STOX1: variants seen among roughly 807,000 people sequenced by gnomAD.
STOX1 encodes storkhead-box protein 1.
STOX1 carries 57 observed loss-of-function variants against 74.8 expected under a neutral mutation model. The observed-to-expected ratio is 0.76, with a 90% CI of 0.62 to 0.95. STOX1 has a LOEUF of 0.95. Among genes scored for constraint, STOX1 ranks in the 40% least tolerant of loss-of-function variants. The pLI, the probability that STOX1 is intolerant of heterozygous loss-of-function variation, is 0.00. For synonymous variants in STOX1, 375 were observed against 401.3 expected (o/e 0.93, Z 0.78); for missense variants, 1,010 against 1,117.0 (o/e 0.90, Z 1.37).
intron 1 of STOX1, among the ~76,000 whole-genome samples, chr10:68,833,380 C>A (rs1839460871): frequency 6.6e-6 from 1 of 152,108 alleles, no homozygotes; most frequent in Non-Finnish European, 1.5e-5. Flanking sequence ...AAGCCGTAGA[C>A]AAAACTCCTC....
intron 1 of STOX1, among the ~76,000 whole-genome samples, chr10:68,839,476 G>T (rs945730137): frequency 2.1e-4 from 31 of 146,878 alleles, no homozygotes; most frequent in African/African-American, 7.5e-4. Flanking sequence ...TCCCACTTTG[G>T]CCTCTGCCAA....
In STOX1 at chr10:68,885,794, T is replaced by C. The variant is rs760292591; in HGVS notation, c.1998T>C (p.Phe666=). Reference sequence around the variant, plus strand: ...TAGTGGATAACACAATACACCAGTTTCAAAATCTTGGCCTTTTGGATTACC... The same window carrying C: ...TAGTGGATAACACAATACACCAGTTCCAAAATCTTGGCCTTTTGGATTACC... ...CRLVDNTIHQ[F]QNLGLLDYPV... is the part of the protein sequence containing the mutation. The change falls in exon 3 of 4, where the codon TTT becomes TTC. Residue 666 remains phenylalanine, a synonymous_variant. Coordinates refer to ENST00000298596, the MANE Select transcript of STOX1 (RefSeq NM_152709.5). 1.4e-5 allele frequency: 22 copies of C among 1,613,972 alleles called. No homozygotes were observed. In the East Asian group the frequency reaches 4.9e-4, roughly 36 times the overall value.
At chr10:68,855,124 AT>A (rs56333446) in intron 1 of STOX1, among the ~76,000 whole-genome samples, 126,227 of 136,572 alleles carry the variant, frequency 0.92, 58,271 homozygotes, top group East Asian at 0.95. Context: ...TTAAAAAAAA[AT>A]TTTTTTTTTT....
Position 68,827,644 on chromosome 10 carries a change from G to A in STOX1, c.21G>A (p.Leu7=). The A allele has an allele frequency of 8.7e-7, 1 of 1,145,326 alleles. No individual in the cohort carries two copies. 70.9% of individuals were successfully genotyped at this position (1,145,326 alleles called of 1,614,324 possible). A position where few individuals can be genotyped will look rare whatever the true frequency, so the allele number is the denominator to read the frequency against. MARPVQ[L]APGSLALVLC... The stretch of plus-strand genomic sequence containing the variant: ...AAAGCATGGCCCGGCCCGTGCAGCT[G>A]GCGCCGGGCTCGCTGGCGCTAGTGC... The change falls in exon 1 of 4, where the codon CTG becomes CTA. Residue 7 remains leucine (L), a synonymous_variant. Coordinates refer to ENST00000298596, the MANE Select transcript of STOX1 (RefSeq NM_152709.5).
At position 68,886,185 on chromosome 10, in the gene STOX1, A is replaced by C; in HGVS notation, c.2389A>C (p.Asn797His). The change falls in exon 3 of 4, where the codon AAT becomes CAT. Residue 797 changes from asparagine to histidine, a missense_variant. Physicochemically the swap from Asn to His is moderately conservative, Grantham distance 68 (BLOSUM62 1). Transcript: ENST00000298596. Reference protein sequence around the residue: ...ERVESQVLKRNECYKPTGLHA... With the variant: ...ERVESQVLKRHECYKPTGLHA... ...GGTTGAGTCTCAGGTGCTTAAAAGA[A>C]ATGAATGCTACAAACCCACTGGGCT... is the stretch of plus-strand genomic sequence containing the variant. The C allele has an allele frequency of 6.2e-7, 1 of 1,614,202 alleles. No individual in the cohort carries two copies. The highest frequency in any genetic ancestry group is 8.5e-7 in the Non-Finnish European group (1 of 1,180,026).
rs16925882 is a variant in STOX1, at chr10:68,885,502, C to G, written c.1706C>G (p.Pro569Arg). 2,169 of 1,614,154 alleles carry G rather than the reference C, an allele frequency of 1.3e-3. 26 individuals are homozygous for G. In the African/African-American group the frequency reaches 0.025, roughly 19 times the overall value. The stretch of plus-strand genomic sequence containing the variant: ...GCAGAATCCATTTACATAAATGACC[C>G]TACTGTCAAACCCATCAATGATGAC... ...MEAESIYIND[P>R]TVKPINDDFR... Residue 569 changes from proline (P) to arginine (R), a missense_variant, in exon 3 of 4, where the codon CCT becomes CGT. By Grantham distance (103) the Pro-to-Arg change is moderately radical. Coordinates refer to ENST00000298596, the MANE Select transcript of STOX1 (RefSeq NM_152709.5).
At chr10:68,864,915 A>G (rs1488236796) in intron 1 of STOX1, among the ~76,000 whole-genome samples, 7 of 152,226 alleles carry the variant, frequency 4.6e-5, no homozygotes, top group Non-Finnish European at 7.3e-5. Flanking sequence ...AAGTCATTCA[A>G]TGTTTTTAAT....
chr10:68,832,910 C>T lies in STOX1; in HGVS notation c.310+4977C>T, dbSNP rs141374178. Among the ~76,000 whole-genome samples the T allele has an allele frequency of 3.1e-3, 478 of 151,838 alleles. 4 individuals are homozygous for T. The highest frequency in any genetic ancestry group is 0.011 in the African/African-American group (458 of 41,412). On this transcript the variant is annotated intron_variant, in intron 1 of 3. Coordinates refer to ENST00000298596, the MANE Select transcript of STOX1 (RefSeq NM_152709.5). ...TCTTGTGTAGCTGGGAACACAGTTG[C>T]GTGCCACTGTGCCTAGCTAATTAAA...
intron 1 of STOX1, among the ~76,000 whole-genome samples, chr10:68,834,218 G>A (rs1206345643): frequency 6.6e-6 from 1 of 152,194 alleles, no homozygotes; most frequent in Non-Finnish European, 1.5e-5. Flanking sequence ...AGGCAAAATT[G>A]CAAGTACTCT....
intron 1 of STOX1, chr10:68,846,846 T>C (rs1260832973): frequency 1.3e-5 from 2 of 152,166 alleles, no homozygotes; most frequent in Admixed American, 6.6e-5. Context: ...TCAAACGATA[T>C]AGAGAAGATT....
chr10:68,883,758 C>CT (rs71028801), intron 2 of STOX1, among the ~76,000 whole-genome samples: 3,656 of 85,372 alleles, frequency 0.043, 101 homozygotes, highest in Non-Finnish European at 0.051. Flanking sequence ...GCTTCTTTGG[C>CT]TTTTTTTTTT....
rs760293964 is a variant in STOX1 at position 68,884,598 on chromosome 10, A to G, written c.802A>G (p.Ser268Gly). ...APVAAEVTRK[S>G]HRGLGESVSW... ...AGTTGCTGCAGAAGTGACTAGGAAG[A>G]GTCACAGAGGTCTTGGGGAATCCGT... The change falls in exon 3 of 4, where the codon AGT becomes GGT. Residue 268 changes from serine (S) to glycine (G), a missense_variant. Transcript: ENST00000298596. The G allele has an allele frequency of 8.1e-6, 13 of 1,613,776 alleles. No individual in the cohort carries two copies. The East Asian group carries it at 2.7e-4, about 33-fold the overall frequency.
At chr10:68,880,674 G>A (rs1002035807) in intron 1 of STOX1, among the ~76,000 whole-genome samples, 3 of 150,242 alleles carry the variant, frequency 2.0e-5, no homozygotes, top group African/African-American at 7.4e-5. Context: ...ACTGTTTTTT[G>A]TTTTTTGTTT....
At chr10:68,876,375 C>T (rs1016351065) in intron 1 of STOX1, among the ~76,000 whole-genome samples, 2 of 151,792 alleles carry the variant, frequency 1.3e-5, no homozygotes, top group Admixed American at 6.6e-5. Context: ...AGGCTGGTCT[C>T]GAACTCCCGA....
intron 3 of STOX1, among the ~76,000 whole-genome samples, chr10:68,888,231 G>C (rs1205648173): frequency 2.6e-5 from 4 of 152,006 alleles, no homozygotes; most frequent in African/African-American, 9.7e-5. Flanking sequence ...CCCCCAAGTA[G>C]CTGGGATTAC....
rs912041236 is a variant in STOX1, at chr10:68,862,098, G to T, written c.311-19860G>T. 6.0e-4 allele frequency among the ~76,000 whole-genome samples: 91 copies of T among 152,130 alleles called. No homozygotes were observed. In the Middle Eastern group the frequency reaches 0.01, roughly 17 times the overall value. ...CATAGTAGAATTCTTTTGCCGTTTA[G>T]TTACAAAATCTGCTGTCTGCACTGA... On this transcript the variant is annotated intron_variant, in intron 1 of 3. Transcript: ENST00000298596.
At chr10:68,835,434 C>G (rs1839523279) in intron 1 of STOX1, among the ~76,000 whole-genome samples, 1 of 152,246 alleles carries the variant, frequency 6.6e-6, no homozygotes, top group South Asian at 2.1e-4. Context: ...GTGATCCTCC[C>G]TTGTCAGTCT....
At chr10:68,888,097 G>GCA (rs745666536) in intron 3 of STOX1, among the ~76,000 whole-genome samples, 29 of 151,154 alleles carry the variant, frequency 1.9e-4, no homozygotes, top group Admixed American at 1.8e-3. Flanking sequence ...ACACACACGC[G>GCA]CACACACACA....
At chr10:68,875,885 C>T (rs909320812) in intron 1 of STOX1, among the ~76,000 whole-genome samples, 1 of 152,052 alleles carries the variant, frequency 6.6e-6, no homozygotes, top group Non-Finnish European at 1.5e-5. Flanking sequence ...GCTACAAGGG[C>T]CTGCTCTAGA....
Sources: gnomAD v4.1 joint callset for allele counts (sites outside exome capture counted in the v4.1 genomes callset) on GRCh38, gnomAD v4.1.1 for gene constraint, MANE v1.5 for transcripts, NCBI Gene and HGNC (gene_info 2026-07-23, HGNC 2026-07-21) for gene names.